HS6ST2: variants seen among roughly 807,000 people sequenced by gnomAD.
The protein encoded by HS6ST2 is heparan sulfate 6-O-sulfotransferase 2.
Under a neutral mutation model 33.0 loss-of-function variants are expected in HS6ST2, and 17 were observed. The observed-to-expected ratio is 0.52, with a 90% confidence interval of 0.35 to 0.77. The LOEUF (loss-of-function observed/expected upper bound fraction) is 0.77, where lower values mean the gene tolerates loss of function less well. HS6ST2 is among the 30% of genes least tolerant of loss of function. HS6ST2 has a pLI of 0.01. For missense variants in HS6ST2, 519 were observed against 551.7 expected, an observed-to-expected ratio of 0.94 and a Z score of 0.59; for synonymous variants, 248 against 237.1, an observed-to-expected ratio of 1.05 and a Z score of -0.42.
At chrX:132,669,268 C>G (rs1415702407) in intron 3 of HS6ST2, 69 bp from the exon 4 acceptor site, 1 of 971,291 alleles carries the variant, frequency 1.0e-6, no homozygotes, top group Non-Finnish European at 1.4e-6. Flanking sequence ...CAATTAGTCA[C>G]TTCATTTAAA....
intron 2 of HS6ST2, among the ~76,000 whole-genome samples, chrX:132,933,453 T>A (rs1187688185): frequency 9.1e-6 from 1 of 110,055 alleles, no homozygotes; most frequent in Non-Finnish European, 1.9e-5. Flanking sequence ...AAAGAAGGTA[T>A]AAAAATGGAC....
At chrX:132,810,352 G>C (rs1224251562) in intron 2 of HS6ST2, among the ~76,000 whole-genome samples, 2 of 109,383 alleles carry the variant, frequency 1.8e-5, no homozygotes, top group African/African-American at 6.7e-5. Context: ...GCTGCAGTGA[G>C]CTGTGATGGC....
At position 132,669,146 on chromosome X, in the gene HS6ST2, G is replaced by C. The variant is rs755076559; in HGVS notation, c.1034C>G (p.Ser345Cys). ...NTNAGANSPSSTKTRNTSKSG... is the reference protein window; with the variant it reads ...NTNAGANSPSCTKTRNTSKSG... ...CTTAGATGTGTTCCGGGTCTTTGTG[G>C]ATGACGGAGAGTTGGCGCCTGCGTT... Residue 345 changes from serine to cysteine, a missense_variant, in exon 4 of 5, where the codon TCC (serine) becomes TGC (cysteine). Coordinates refer to ENST00000370833, the MANE Select transcript of HS6ST2 (RefSeq NM_001394073.1). The C allele has an allele frequency of 8.3e-7, 1 of 1,208,254 alleles. No individual in the cohort carries two copies. The highest frequency in any genetic ancestry group is 1.1e-6 in the Non-Finnish European group (1 of 892,771).
chrX:132,780,852 G>A (rs1177700948), intron 2 of HS6ST2, among the ~76,000 whole-genome samples: 2 of 111,876 alleles, frequency 1.8e-5, no homozygotes, highest in Non-Finnish European at 3.8e-5. Context: ...TACAGATCCA[G>A]GCTAACTAGC....
rs563807003 is a variant in HS6ST2 at position 132,729,963 on chromosome X, C to T, written c.948-21469G>A. Among the ~76,000 whole-genome samples, 25 of 109,745 alleles carry T rather than the reference C, an allele frequency of 2.3e-4. No individual in the cohort carries two copies. In the South Asian group the frequency reaches 0.01, roughly 44 times the overall value. Reference sequence around the variant, plus strand: ...GGTGGTCAGTTAGAGGGTCTGGGTTCTGCCTGCTCAGCCTCCTCTTCCACC... The same window carrying T: ...GGTGGTCAGTTAGAGGGTCTGGGTTTTGCCTGCTCAGCCTCCTCTTCCACC... On this transcript the variant is annotated intron_variant, in intron 2 of 4. Transcript: ENST00000370833.
At chrX:132,688,086 G>C (rs774240967) in intron 3 of HS6ST2, among the ~76,000 whole-genome samples, 2 of 112,214 alleles carry the variant, frequency 1.8e-5, no homozygotes, top group South Asian at 7.5e-4. Flanking sequence ...CTTTAGTCTA[G>C]CAACCAGACT....
chrX:132,854,232 A>G (rs1456398648), intron 2 of HS6ST2, among the ~76,000 whole-genome samples: 1 of 112,186 alleles, frequency 8.9e-6, no homozygotes, highest in Non-Finnish European at 1.9e-5. Flanking sequence ...TACAACATCC[A>G]TCTTTTCAGA....
At position 132,669,167 on chromosome X, in the gene HS6ST2, GCGTTAGTGTTTGGAGAACC is replaced by G. The variant is rs1471620765; in HGVS notation, c.994_1012del (p.Gly332GlnfsTer35). The G allele has an allele frequency of 1.7e-6, 2 of 1,207,310 alleles. No homozygotes were observed. Among genetic ancestry groups the G allele is most frequent in the African/African-American group, 3.5e-5 (2 of 56,846 alleles). On this transcript the variant is annotated frameshift_variant, in exon 4 of 5. Coordinates refer to ENST00000370833, the MANE Select transcript of HS6ST2 (RefSeq NM_001394073.1). LOFTEE classifies it high-confidence loss of function. ...TGTGGATGACGGAGAGTTGGCGCCT[GCGTTAGTGTTTGGAGAACC>G]CCGTTTATCCTTACTATACCCACAG...
chrX:132,760,852 C>T (rs1236757174), intron 2 of HS6ST2, among the ~76,000 whole-genome samples: 1 of 110,958 alleles, frequency 9.0e-6, no homozygotes, highest in African/African-American at 3.3e-5. Flanking sequence ...ATTTGAGGCC[C>T]GGGCCAAAGG....
chrX:132,646,331 G>A (rs1403460470), intron 4 of HS6ST2, among the ~76,000 whole-genome samples: 1 of 110,605 alleles, frequency 9.0e-6, no homozygotes, highest in African/African-American at 3.3e-5. Flanking sequence ...AAGCAATGAA[G>A]ACTTATTGGT....
intron 2 of HS6ST2, among the ~76,000 whole-genome samples, chrX:132,764,472 T>C (rs2064827743): frequency 1.8e-5 from 2 of 111,825 alleles, no homozygotes; most frequent in South Asian, 7.5e-4. Context: ...AGTCTGGGAG[T>C]TTATGATGTG....
intron 2 of HS6ST2, among the ~76,000 whole-genome samples, chrX:132,719,178 G>A (rs2064305540): frequency 9.0e-6 from 1 of 111,250 alleles, no homozygotes; most frequent in Non-Finnish European, 1.9e-5. Context: ...CCTTGACATC[G>A]TTTAGAAACC....
At chrX:132,729,769 C>T (rs1472976936) in intron 2 of HS6ST2, among the ~76,000 whole-genome samples, 1 of 111,293 alleles carries the variant, frequency 9.0e-6, no homozygotes, top group Non-Finnish European at 1.9e-5. Context: ...GAAAATTTCT[C>T]AGTTTTAAAT....
upstream of HS6ST2, chrX:132,958,952 G>T (rs1413474394): frequency 1.4e-5 from 3 of 208,805 alleles, no homozygotes; most frequent in African/African-American, 2.9e-5. Context: ...TTAGAGCACA[G>T]ACTGTCTTCT....
chrX:132,796,180 C>T (rs1230395491), intron 2 of HS6ST2, among the ~76,000 whole-genome samples: 1 of 111,953 alleles, frequency 8.9e-6, no homozygotes, highest in African/African-American at 3.3e-5. Context: ...AAGGGTGAGG[C>T]ACACTTCTGA....
At chrX:132,863,539 G>A (rs767433132) in intron 2 of HS6ST2, among the ~76,000 whole-genome samples, 1 of 106,993 alleles carries the variant, frequency 9.3e-6, no homozygotes, top group African/African-American at 3.4e-5. Context: ...GCCCAGGCTG[G>A]TCTCAAACTC....
intron 2 of HS6ST2, among the ~76,000 whole-genome samples, chrX:132,747,774 G>A (rs182818459): frequency 2.3e-3 from 249 of 110,550 alleles, no homozygotes; most frequent in Middle Eastern, 9.2e-3. Context: ...CAGCCAGAGA[G>A]GAGTCAGCTG....
intron 2 of HS6ST2, among the ~76,000 whole-genome samples, chrX:132,887,548 T>C (rs2066264939): frequency 8.9e-6 from 1 of 112,234 alleles, no homozygotes; most frequent in African/African-American, 3.2e-5. Flanking sequence ...TATATTGCTA[T>C]TGAGAAGGTA....
At chrX:132,774,443 A>C (rs185228140) in intron 2 of HS6ST2, among the ~76,000 whole-genome samples, 1 of 112,278 alleles carries the variant, frequency 8.9e-6, no homozygotes, top group African/African-American at 3.2e-5. Flanking sequence ...CAAAACTGCT[A>C]TGAAGCTAAA....
Sources: gnomAD v4.1 joint callset for allele counts (sites outside exome capture counted in the v4.1 genomes callset) on GRCh38, gnomAD v4.1.1 for gene constraint, MANE v1.5 for transcripts, NCBI Gene and HGNC (gene_info 2026-07-23, HGNC 2026-07-21) for gene names.